PLCE1: variants seen among roughly 807,000 people sequenced by gnomAD.
PLCE1 encodes the protein phospholipase C epsilon 1.
A neutral mutation model predicts 242.8 loss-of-function variants in PLCE1; 119 were observed. That is an observed-to-expected ratio of 0.49 (90% confidence interval 0.42 to 0.57). The LOEUF (loss-of-function observed/expected upper bound fraction) is 0.57. Among genes scored for constraint, PLCE1 ranks in the 20% least tolerant of loss-of-function variants. The pLI is 0.00. For missense variants in PLCE1, 2,441 were observed against 2,788.8 expected (o/e 0.88, Z 2.81); for synonymous variants, 945 against 1,017.4 (o/e 0.93, Z 1.35).
chr10:94,038,770 C>T (rs753592642), intron 2 of PLCE1, among the ~76,000 whole-genome samples: 3 of 152,090 alleles, frequency 2.0e-5, no homozygotes, highest in African/African-American at 4.8e-5. Context: ...GTATACAATT[C>T]AGTGGTTTTA....
intron 2 of PLCE1, among the ~76,000 whole-genome samples, chr10:94,053,225 TATA>T (rs2043811202): frequency 6.6e-6 from 1 of 152,184 alleles, no homozygotes; most frequent in African/African-American, 2.4e-5. Context: ...TTCTCACCTC[TATA>T]ATGAGAATCA....
chr10:94,321,853 T>C (rs1347125657), intron 29 of PLCE1, 48 bp from the exon 30 acceptor site: 2 of 1,447,744 alleles, frequency 1.4e-6, no homozygotes, highest in East Asian at 2.3e-5. Flanking sequence ...TCTTTCTTTA[T>C]TCTGCATAAA....
At chr10:94,184,469 A>C (rs2048407266) in intron 4 of PLCE1, among the ~76,000 whole-genome samples, 7 of 152,198 alleles carry the variant, frequency 4.6e-5, no homozygotes. Context: ...CGCTGGGATT[A>C]CAGGCACCTG....
chr10:94,317,076 C>T (rs1426632538), intron 29 of PLCE1, among the ~76,000 whole-genome samples: 1 of 151,962 alleles, frequency 6.6e-6, no homozygotes, highest in Non-Finnish European at 1.5e-5. Context: ...CATGGCGAAA[C>T]CCCATCTCTA....
intron 8 of PLCE1, among the ~76,000 whole-genome samples, chr10:94,251,174 A>C (rs2050861485): frequency 6.6e-6 from 1 of 152,194 alleles, no homozygotes; most frequent in Non-Finnish European, 1.5e-5. Context: ...GAAGGGAGAA[A>C]CAGATCATGG....
chr10:94,220,389 T>C (rs1433446138), intron 4 of PLCE1, among the ~76,000 whole-genome samples: 4 of 117,640 alleles, frequency 3.4e-5, no homozygotes, highest in Admixed American at 1.7e-4. Context: ...TATATATATA[T>C]ATATATATAT....
At chr10:94,076,554 G>T (rs771543252) in intron 2 of PLCE1, among the ~76,000 whole-genome samples, 1 of 152,156 alleles carries the variant, frequency 6.6e-6, no homozygotes, top group Non-Finnish European at 1.5e-5. Context: ...AAATAGAACT[G>T]AATCTTTCAG....
chr10:94,301,199 C>T (rs2053024043), intron 24 of PLCE1, among the ~76,000 whole-genome samples: 1 of 150,710 alleles, frequency 6.6e-6, no homozygotes, highest in South Asian at 2.1e-4. Flanking sequence ...CAAAAACTAG[C>T]CGGGCGTGGT....
chr10:94,299,548 C>T (rs2052963418), intron 24 of PLCE1, among the ~76,000 whole-genome samples: 1 of 152,210 alleles, frequency 6.6e-6, no homozygotes, highest in Non-Finnish European at 1.5e-5. Context: ...TTCCTAAAAG[C>T]TCTTTCATAA....
chr10:94,128,825 T>C (rs2046512221), intron 2 of PLCE1, among the ~76,000 whole-genome samples: 1 of 152,164 alleles, frequency 6.6e-6, no homozygotes, highest in East Asian at 1.9e-4. Flanking sequence ...TGGCCAGGTG[T>C]GGTCACTAAA....
chr10:94,260,655 TTTTTATTTTTG>T (rs1420429933), intron 13 of PLCE1, among the ~76,000 whole-genome samples: 2 of 151,528 alleles, frequency 1.3e-5, no homozygotes, highest in African/African-American at 4.8e-5. Flanking sequence ...TTTCATGTAT[TTTTTATTTTTG>T]TTTTATTTTA....
chr10:94,134,542 C>T lies in PLCE1; in HGVS notation c.1492+2083C>T, dbSNP rs2046706718. On this transcript the variant is annotated intron_variant, in intron 3 of 32. Coordinates refer to ENST00000371380, the MANE Select transcript of PLCE1 (RefSeq NM_016341.4). ...TAGTTAGCTCAACTGAACCATTCCA[C>T]AAGGTATACATATTTCAAAACATCA... Among the ~76,000 whole-genome samples the T allele has an allele frequency of 6.6e-5, 10 of 152,298 alleles. 1 individual carries two copies. The South Asian group carries it at 1.7e-3, about 25-fold the overall frequency.
At chr10:94,204,650 G>T (rs1353131039) in intron 4 of PLCE1, among the ~76,000 whole-genome samples, 1 of 151,630 alleles carries the variant, frequency 6.6e-6, no homozygotes. Context: ...CTGGGTGACA[G>T]AGTGAAACTC....
At chr10:94,296,807 T>G (rs2052837643) in intron 23 of PLCE1, among the ~76,000 whole-genome samples, 1 of 152,186 alleles carries the variant, frequency 6.6e-6, no homozygotes, top group Non-Finnish European at 1.5e-5. Context: ...ATGCCTAACT[T>G]TCAACCTGTC....
intron 22 of PLCE1, among the ~76,000 whole-genome samples, chr10:94,293,078 G>C (rs928982000): frequency 6.6e-6 from 1 of 152,160 alleles, no homozygotes; most frequent in Non-Finnish European, 1.5e-5. Flanking sequence ...CAAAGAAGGA[G>C]GTGTTATGTC....
chr10:94,205,348 T>A (rs1035037941), intron 4 of PLCE1, among the ~76,000 whole-genome samples: 1 of 152,198 alleles, frequency 6.6e-6, no homozygotes, highest in African/African-American at 2.4e-5. Context: ...TGATATTGGA[T>A]CTTTGCTTTA....
chr10:94,301,399 A>G (rs1396313327), intron 24 of PLCE1, among the ~76,000 whole-genome samples: 1 of 152,130 alleles, frequency 6.6e-6, no homozygotes, highest in Non-Finnish European at 1.5e-5. Flanking sequence ...GAATAGATCG[A>G]TAAGAGTCAA....
chr10:94,296,833 C>A (rs1032316927), intron 23 of PLCE1, among the ~76,000 whole-genome samples: 1 of 151,994 alleles, frequency 6.6e-6, no homozygotes, highest in African/African-American at 2.4e-5. Context: ...CTTTGACATG[C>A]CTTCCTCACT....
intron 1 of PLCE1, among the ~76,000 whole-genome samples, chr10:94,020,309 G>C (rs570515772): frequency 1.3e-4 from 20 of 152,158 alleles, no homozygotes; most frequent in African/African-American, 4.8e-4. Context: ...CTTCAATAAA[G>C]TGCTTATTCA....
Sources: gnomAD v4.1 joint callset for allele counts (sites outside exome capture counted in the v4.1 genomes callset) on GRCh38, gnomAD v4.1.1 for gene constraint, MANE v1.5 for transcripts, NCBI Gene and HGNC (gene_info 2026-07-23, HGNC 2026-07-21) for gene names.